The following UROS variants were observed in gnomAD, a reference collection of about 807,000 sequenced individuals.
The protein encoded by UROS is uroporphyrinogen-III synthase.
UROS carries 18 observed loss-of-function variants against 33.0 expected under a neutral mutation model. The ratio of observed to expected loss-of-function variants is 0.55; its 90% CI spans 0.38 to 0.81. The LOEUF is 0.81. UROS is among the 30% of genes least tolerant of loss of function. The pLI, the probability that UROS is intolerant of heterozygous loss-of-function variation, is 0.00. For synonymous variants in UROS, 114 were observed against 121.1 expected (o/e 0.94, Z 0.38); for missense variants, 293 against 314.9 (o/e 0.93, Z 0.53).
intron 5 of UROS, 62 bp from the exon 6 acceptor site, chr10:125,807,549 T>C: frequency 7.2e-7 from 1 of 1,391,044 alleles, no homozygotes; most frequent in Non-Finnish European, 1.0e-6. Flanking sequence ...TGTTCCAGCG[T>C]TATTTTTTAA....
intron 6 of UROS, among the ~76,000 whole-genome samples, chr10:125,803,888 C>T (rs1852073084): frequency 6.6e-6 from 1 of 152,272 alleles, no homozygotes. Flanking sequence ...AGGGCCTGCC[C>T]TTCTCTGTGG....
At chr10:125,817,421 C>T (rs1198518829) in intron 1 of UROS, among the ~76,000 whole-genome samples, 2 of 151,176 alleles carry the variant, frequency 1.3e-5, no homozygotes. Flanking sequence ...CTTTTACCTT[C>T]TCCCTTCTCT....
At chr10:125,817,930 G>C (rs1259011729) in intron 1 of UROS, among the ~76,000 whole-genome samples, 2 of 152,156 alleles carry the variant, frequency 1.3e-5, no homozygotes, top group Non-Finnish European at 2.9e-5. Flanking sequence ...GTTTAGTTAT[G>C]CAAACACCCC....
intron 1 of UROS, among the ~76,000 whole-genome samples, chr10:125,817,181 CTCTTA>C (rs913806153): frequency 1.2e-4 from 18 of 145,076 alleles, no homozygotes; most frequent in African/African-American, 4.1e-4. Flanking sequence ...GGGAATGTGG[CTCTTA>C]TCTTAATAGC....
rs141204122 is a variant in UROS, at chr10:125,803,377, C to T, written c.394+4036G>A. ...AGCCTCCAGGACCCCGTGGAAGCTGCCTGCCAGCAAGCCCTGGAGCACACT... is the reference window on the plus strand; with the variant it reads ...AGCCTCCAGGACCCCGTGGAAGCTGTCTGCCAGCAAGCCCTGGAGCACACT... On this transcript the variant is annotated intron_variant, in intron 6 of 9. Coordinates refer to ENST00000368797, the MANE Select transcript of UROS (RefSeq NM_000375.3). 1.9e-3 allele frequency among the ~76,000 whole-genome samples: 294 copies of T among 152,350 alleles called. 1 individual carries two copies. The highest frequency in any genetic ancestry group is 6.8e-3 in the African/African-American group (282 of 41,592).
intron 9 of UROS, chr10:125,792,499 G>A (rs1851019905): frequency 6.6e-6 from 1 of 152,250 alleles, no homozygotes; most frequent in South Asian, 2.1e-4. Flanking sequence ...CCACCTCACA[G>A]GCTGCAAGGG....
rs183322969 is a variant in UROS at position 125,802,188 on chromosome 10, A to G, written c.395-4043T>C. 5.6e-5 allele frequency: 55 copies of G among 985,528 alleles called. No individual in the cohort carries two copies. In the African/African-American group the frequency reaches 9.2e-4, roughly 17 times the overall value. The allele number at this position is 985,528 out of a possible 1,614,324, so 61.0% of individuals were successfully genotyped here. The stretch of plus-strand genomic sequence containing the variant: ...CTGGAGCCAGACAAGACCCATCTGC[A>G]TCCTGTACCAGGAACCCCTGGAGCG... On this transcript the variant is annotated intron_variant, in intron 6 of 9. Coordinates refer to ENST00000368797, the MANE Select transcript of UROS (RefSeq NM_000375.3).
intron 9 of UROS, among the ~76,000 whole-genome samples, chr10:125,790,546 T>C (rs10794022): frequency 0.44 from 66,957 of 151,960 alleles, 14,974 homozygotes; most frequent in Non-Finnish European, 0.47. Flanking sequence ...TGGTAGCTCA[T>C]GCCTGTAATC....
chr10:125,815,742 G>C (rs1853261892), intron 3 of UROS, among the ~76,000 whole-genome samples: 1 of 152,168 alleles, frequency 6.6e-6, no homozygotes, highest in Non-Finnish European at 1.5e-5. Context: ...GAAGCCCTGG[G>C]TTTGAGTCCC....
At position 125,802,312 on chromosome 10, in the gene UROS, A is replaced by C. The variant is rs1851906589; in HGVS notation, c.395-4167T>G. The C allele has an allele frequency of 1.9e-5, 19 of 985,782 alleles. 1 individual carries two copies. The African/African-American group carries it at 2.1e-4, about 11-fold the overall frequency. 61.1% of individuals were successfully genotyped at this position (985,782 alleles called of 1,614,324 possible). Reference sequence around the variant, plus strand: ...CCCAACCAGTGCTCTCTGATCCGGAAAGCTGGAACAACTGTCTGTGGCTTC... The same window carrying C: ...CCCAACCAGTGCTCTCTGATCCGGACAGCTGGAACAACTGTCTGTGGCTTC... On this transcript the variant is annotated intron_variant, in intron 6 of 9. Transcript: ENST00000368797.
chr10:125,794,984 G>T lies in UROS; in HGVS notation c.562-6C>A, dbSNP rs1589930791. 9.3e-6 allele frequency: 15 copies of T among 1,612,330 alleles called. No individual in the cohort carries two copies. The Middle Eastern group carries it at 5.0e-4, about 53-fold the overall frequency. The stretch of plus-strand genomic sequence containing the variant: ...GTGATGCTGGCTGGAACCCCCTGTG[G>T]GGAACAGAAAACAAGATCAGTCCTT... On this transcript the variant is annotated splice_polypyrimidine_tract_variant and splice_region_variant and intron_variant, in intron 8 of 9. Transcript: ENST00000368797.
At chr10:125,809,685 G>A (rs2133911842) in intron 5 of UROS, among the ~76,000 whole-genome samples, 1 of 152,284 alleles carries the variant, frequency 6.6e-6, no homozygotes, top group South Asian at 2.1e-4. Context: ...AATGTTAAGT[G>A]AGGACTTTCT....
chr10:125,814,719 T>C (rs758483705), intron 4 of UROS, among the ~76,000 whole-genome samples: 1 of 152,170 alleles, frequency 6.6e-6, no homozygotes, highest in African/African-American at 2.4e-5. Context: ...CATTTTCTCA[T>C]AGTTAGATTT....
chr10:125,798,476 G>A (rs1851549165), intron 6 of UROS, among the ~76,000 whole-genome samples: 1 of 152,212 alleles, frequency 6.6e-6, no homozygotes, highest in African/African-American at 2.4e-5. Flanking sequence ...GGCAGACTTT[G>A]CACCTTAACT....
intron 6 of UROS, chr10:125,801,950 T>C: frequency 1.1e-6 from 1 of 923,498 alleles, no homozygotes; most frequent in Non-Finnish European, 1.3e-6. Flanking sequence ...CAGCTCAATG[T>C]CTTCACTGAA....
At chr10:125,812,164 G>C in intron 5 of UROS, 50 bp downstream of exon 5, 1 of 1,564,232 alleles carries the variant, frequency 6.4e-7, no homozygotes, top group South Asian at 1.1e-5. Context: ...TTTTAAAACT[G>C]AAAAGGCTAA....
intron 6 of UROS, among the ~76,000 whole-genome samples, chr10:125,804,243 G>A (rs1238867514): frequency 2.6e-5 from 4 of 152,134 alleles, no homozygotes; most frequent in African/African-American, 9.7e-5. Context: ...TTTAATCAAT[G>A]GTGCCTACAT....
At chr10:125,794,118 C>T (rs1851153868) in intron 9 of UROS, 4 of 154,444 alleles carry the variant, frequency 2.6e-5, no homozygotes, top group Admixed American at 2.0e-4. Flanking sequence ...CCATGGCTGA[C>T]AATGTGGAAT....
intron 8 of UROS, 197 bp from the exon 9 acceptor site, chr10:125,795,175 G>A: frequency 1.6e-6 from 1 of 619,850 alleles, no homozygotes; most frequent in Admixed American, 2.4e-5. Context: ...GAAAGAGCAG[G>A]CTGCCATCAG....
Sources: allele counts gnomAD v4.1 joint callset (sites outside exome capture counted in the v4.1 genomes callset), GRCh38; gene constraint gnomAD v4.1.1; transcripts MANE v1.5; gene names NCBI Gene and HGNC (gene_info 2026-07-23, HGNC 2026-07-21).